VPS13B: variants seen among roughly 807,000 people sequenced by gnomAD.
The protein encoded by VPS13B is intermembrane lipid transfer protein VPS13B.
In VPS13B, 285 loss-of-function variants were observed where a neutral mutation model predicts 426.4. The ratio of observed to expected loss-of-function variants is 0.67; its 90% confidence interval spans 0.61 to 0.74. VPS13B has a LOEUF of 0.74. Ranked by LOEUF, VPS13B falls within the 30% of genes least tolerant of loss-of-function variation. The pLI is 0.00. For synonymous variants in VPS13B, 1,676 were observed against 1,676.4 expected (o/e 1.00, Z 0.01); for missense variants, 4,537 against 4,782.6 (o/e 0.95, Z 1.51).
chr8:99,741,380 C>T (rs1809715340), intron 39 of VPS13B, among the ~76,000 whole-genome samples: 1 of 152,172 alleles, frequency 6.6e-6, no homozygotes, highest in Admixed American at 6.5e-5. Context: ...TAATGGGAGA[C>T]TTTAACACCC....
At chr8:99,571,425 T>G (rs1588505830) in intron 31 of VPS13B, among the ~76,000 whole-genome samples, 1 of 152,152 alleles carries the variant, frequency 6.6e-6, no homozygotes, top group African/African-American at 2.4e-5. Flanking sequence ...ATCATAAAAC[T>G]TAATACTATA....
intron 19 of VPS13B, among the ~76,000 whole-genome samples, chr8:99,375,368 T>C (rs1813424880): frequency 6.6e-6 from 1 of 152,222 alleles, no homozygotes; most frequent in Non-Finnish European, 1.5e-5. Flanking sequence ...TGATGAAAGC[T>C]GAAAAGCTTT....
chr8:99,746,338 A>G (rs1810086283), intron 39 of VPS13B, among the ~76,000 whole-genome samples: 1 of 152,134 alleles, frequency 6.6e-6, no homozygotes, highest in African/African-American at 2.4e-5. Context: ...ATCAGGTAGT[A>G]TTAGTCTGGC....
chr8:99,768,328 A>G (rs1224622099), intron 40 of VPS13B, among the ~76,000 whole-genome samples: 4 of 152,212 alleles, frequency 2.6e-5, no homozygotes, highest in East Asian at 1.9e-4. Context: ...TACCTTGCAA[A>G]TCAAATGTTT....
intron 3 of VPS13B, among the ~76,000 whole-genome samples, chr8:99,095,934 G>A (rs150810270): frequency 1.4e-4 from 21 of 152,102 alleles, no homozygotes; most frequent in African/African-American, 4.8e-4. Context: ...AACAACAAAT[G>A]GGGAAAAATT....
chr8:99,748,993 A>G (rs1174332236), intron 39 of VPS13B, among the ~76,000 whole-genome samples: 1 of 152,062 alleles, frequency 6.6e-6, no homozygotes, highest in Admixed American at 6.6e-5. Context: ...CTGACAAACT[A>G]TATACTCAGG....
At chr8:99,134,771 T>C (rs1226385729) in intron 9 of VPS13B, 44 bp downstream of exon 9, 15 of 1,463,012 alleles carry the variant, frequency 1.0e-5, no homozygotes, top group Admixed American at 8.6e-5. Flanking sequence ...TATTTTGTTC[T>C]TTAATATTTT....
At chr8:99,534,252 A>G (rs1249540845) in intron 30 of VPS13B, among the ~76,000 whole-genome samples, 1 of 152,192 alleles carries the variant, frequency 6.6e-6, no homozygotes, top group African/African-American at 2.4e-5. Context: ...CTGTAGCAGG[A>G]TATAGGTTTC....
rs185577034 is a variant in VPS13B at position 99,104,567 on chromosome 8, C to G, written c.580+1447C>G. Among the ~76,000 whole-genome samples, 201 of 149,048 alleles carry G rather than the reference C, an allele frequency of 1.3e-3. 1 individual carries two copies. In the South Asian group the frequency reaches 0.015, roughly 11 times the overall value. ...CTCCCCTCTCCCCACCGTCCCCCCT[C>G]CCCTCTCCCTTTCATCCTCCCTTCC... On this transcript the variant is annotated intron_variant, in intron 5 of 61. Transcript: ENST00000357162.
At chr8:99,410,535 ATTAT>A (rs202087477) in intron 21 of VPS13B, among the ~76,000 whole-genome samples, 8,533 of 149,022 alleles carry the variant, frequency 0.057, 278 homozygotes, top group African/African-American at 0.095. Flanking sequence ...TGTTACCAGA[ATTAT>A]TTATTTATTT....
chr8:99,342,849 T>TAA (rs34168474), intron 19 of VPS13B, among the ~76,000 whole-genome samples: 112,418 of 151,844 alleles, frequency 0.74, 42,309 homozygotes, highest in South Asian at 0.87. Flanking sequence ...TGTATTAATT[T>TAA]ACATCTCTAG....
At chr8:99,640,607 A>G (rs1413413181) in intron 33 of VPS13B, among the ~76,000 whole-genome samples, 1 of 152,136 alleles carries the variant, frequency 6.6e-6, no homozygotes, top group Non-Finnish European at 1.5e-5. Flanking sequence ...TCCTGAGAAA[A>G]TATTACTAGG....
At chr8:99,534,769 T>C (rs1358931495) in intron 30 of VPS13B, among the ~76,000 whole-genome samples, 1 of 152,166 alleles carries the variant, frequency 6.6e-6, no homozygotes, top group Non-Finnish European at 1.5e-5. Context: ...GTCTTAAGTG[T>C]CTGATGTAAA....
At chr8:99,612,528 A>C (rs1827888703) in intron 33 of VPS13B, among the ~76,000 whole-genome samples, 1 of 152,134 alleles carries the variant, frequency 6.6e-6, no homozygotes, top group South Asian at 2.1e-4. Flanking sequence ...AATTATCCTA[A>C]GGTTTATTTA....
intron 17 of VPS13B, chr8:99,233,634 C>T (rs1816477717): frequency 1.8e-6 from 2 of 1,131,630 alleles, no homozygotes; most frequent in Non-Finnish European, 2.7e-6. Context: ...ATCTCCATCT[C>T]AGCACTGGCA....
chr8:99,626,562 C>A (rs1457456746), intron 33 of VPS13B, among the ~76,000 whole-genome samples: 1 of 152,096 alleles, frequency 6.6e-6, no homozygotes, highest in African/African-American at 2.4e-5. Context: ...ATACAAAAAG[C>A]ACATTTATAT....
chr8:99,214,910 CTTCT>C (rs1203205823), intron 17 of VPS13B, among the ~76,000 whole-genome samples: 1 of 152,086 alleles, frequency 6.6e-6, no homozygotes, highest in Non-Finnish European at 1.5e-5. Flanking sequence ...AAGAACTATG[CTTCT>C]TTCTATTTTG....
intron 43 of VPS13B, chr8:99,796,820 C>G (rs924193525): frequency 6.6e-6 from 1 of 152,350 alleles, no homozygotes; most frequent in Admixed American, 6.5e-5. Flanking sequence ...TTCTCATCCA[C>G]GTGATCTCAC....
intron 17 of VPS13B, among the ~76,000 whole-genome samples, chr8:99,201,235 A>T (rs1298458847): frequency 1.3e-5 from 2 of 152,050 alleles, no homozygotes; most frequent in Non-Finnish European, 2.9e-5. Flanking sequence ...ACTGTTACTG[A>T]TTTCTGATAT....
Sources: allele counts gnomAD v4.1 joint callset (sites outside exome capture counted in the v4.1 genomes callset), GRCh38; gene constraint gnomAD v4.1.1; transcripts MANE v1.5; gene names NCBI Gene and HGNC (gene_info 2026-07-23, HGNC 2026-07-21).